AUTS2: variants seen among roughly 807,000 people sequenced by gnomAD.
AUTS2 encodes the protein autism susceptibility gene 2 protein.
In AUTS2, 17 loss-of-function variants were observed where a neutral mutation model predicts 112.4. That is an observed-to-expected ratio of 0.15 (90% confidence interval 0.10 to 0.23). The LOEUF (loss-of-function observed/expected upper bound fraction) is 0.23. Ranked by LOEUF, AUTS2 falls within the 10% of genes least tolerant of loss-of-function variation. The pLI is 1.00. For synonymous variants in AUTS2, 751 were observed against 702.7 expected, an observed-to-expected ratio of 1.07 and a Z score of -1.09; for missense variants, 1,510 against 1,701.6, an observed-to-expected ratio of 0.89 and a Z score of 1.98.
At chr7:69,776,418 A>AT (rs1268915498) in intron 1 of AUTS2, among the ~76,000 whole-genome samples, 1 of 151,932 alleles carries the variant, frequency 6.6e-6, no homozygotes, top group Non-Finnish European at 1.5e-5. Flanking sequence ...CCAAATGTAA[A>AT]TTTTTTTGTT....
chr7:69,951,295 C>G (rs1050431919), intron 2 of AUTS2, among the ~76,000 whole-genome samples: 10 of 146,988 alleles, frequency 6.8e-5, no homozygotes, highest in African/African-American at 2.3e-4. Flanking sequence ...AGTCTTCAGG[C>G]TTTTTTTTTT....
chr7:70,665,926 C>T (rs1807324608), intron 5 of AUTS2, among the ~76,000 whole-genome samples: 1 of 152,182 alleles, frequency 6.6e-6, no homozygotes. Flanking sequence ...AACAGTGCAA[C>T]ATTACCAGCT....
chr7:69,962,929 T>C (rs1262157928), intron 2 of AUTS2, among the ~76,000 whole-genome samples: 1 of 152,092 alleles, frequency 6.6e-6, no homozygotes, highest in Admixed American at 6.6e-5. Flanking sequence ...AAAGGGAAAG[T>C]CCTTGAGCAC....
chr7:70,060,272 A>C (rs1318827141), intron 2 of AUTS2, among the ~76,000 whole-genome samples: 1 of 152,226 alleles, frequency 6.6e-6, no homozygotes, highest in East Asian at 1.9e-4. Context: ...ATGCTAGATA[A>C]AGAGAAGAAC....
At chr7:70,757,440 T>C (rs1243649694) in intron 6 of AUTS2, among the ~76,000 whole-genome samples, 1 of 152,204 alleles carries the variant, frequency 6.6e-6, no homozygotes, top group Admixed American at 6.5e-5. Context: ...TGTTGTATAA[T>C]ATTTGCTGTT....
At chr7:70,352,391 C>CT (rs1178795313) in intron 4 of AUTS2, among the ~76,000 whole-genome samples, 1 of 152,164 alleles carries the variant, frequency 6.6e-6, no homozygotes, top group East Asian at 1.9e-4. Flanking sequence ...GGCTGCAATC[C>CT]TTTTTTTCCT....
chr7:70,696,291 G>A (rs1809095169), intron 5 of AUTS2, among the ~76,000 whole-genome samples: 1 of 152,108 alleles, frequency 6.6e-6, no homozygotes, highest in Admixed American at 6.5e-5. Flanking sequence ...ACCTGGATAG[G>A]AGAGAGAAGG....
intron 5 of AUTS2, among the ~76,000 whole-genome samples, chr7:70,560,340 T>C (rs998471735): frequency 2.6e-5 from 4 of 152,120 alleles, no homozygotes; most frequent in Non-Finnish European, 4.4e-5. Context: ...TTACTGCCTG[T>C]CTGCTCCATT....
intron 1 of AUTS2, among the ~76,000 whole-genome samples, chr7:69,733,105 G>A (rs1239948784): frequency 2.0e-5 from 3 of 152,132 alleles, no homozygotes; most frequent in Admixed American, 6.6e-5. Flanking sequence ...TTATGCTTTG[G>A]GGATATGGAT....
chr7:70,243,046 TCTCA>T (rs1408329765), intron 4 of AUTS2, among the ~76,000 whole-genome samples: 34 of 152,174 alleles, frequency 2.2e-4, no homozygotes, highest in Non-Finnish European at 1.5e-5. Flanking sequence ...GCACAGATGG[TCTCA>T]CTCAGGCCTA....
intron 4 of AUTS2, among the ~76,000 whole-genome samples, chr7:70,220,688 G>A (rs575938674): frequency 3.0e-4 from 46 of 152,264 alleles, no homozygotes; most frequent in African/African-American, 1.0e-3. Flanking sequence ...AAAAGGCTGT[G>A]GACCTTTGAA....
chr7:69,758,363 A>G (rs1011521407), intron 1 of AUTS2, among the ~76,000 whole-genome samples: 6 of 152,176 alleles, frequency 3.9e-5, no homozygotes, highest in African/African-American at 1.4e-4. Flanking sequence ...AGCATTTTGG[A>G]TCAGTCACTT....
intron 1 of AUTS2, among the ~76,000 whole-genome samples, chr7:69,767,184 CTT>C (rs1248627158): frequency 3.5e-5 from 5 of 144,804 alleles, no homozygotes; most frequent in Non-Finnish European, 4.6e-5. Flanking sequence ...TTGTCATCGT[CTT>C]TTTTTTTTTT....
chr7:69,660,461 C>G (rs1290132237), intron 1 of AUTS2, among the ~76,000 whole-genome samples: 4 of 152,108 alleles, frequency 2.6e-5, no homozygotes, highest in African/African-American at 9.7e-5. Context: ...AAGGGAAATT[C>G]TAGGAAGAGG....
At chr7:69,743,970 AT>A (rs35084019) in intron 1 of AUTS2, among the ~76,000 whole-genome samples, 15,113 of 146,214 alleles carry the variant, frequency 0.1, 1,196 homozygotes, top group African/African-American at 0.22. Flanking sequence ...GCTAATTAAC[AT>A]TTTTTTTTTT....
intron 5 of AUTS2, among the ~76,000 whole-genome samples, chr7:70,548,567 A>G (rs995889855): frequency 9.9e-5 from 15 of 152,182 alleles, no homozygotes; most frequent in African/African-American, 3.4e-4. Context: ...TGGCTGAGGT[A>G]CTTTTTTGTG....
At position 70,219,226 on chromosome 7, in the gene AUTS2, C is replaced by T. The variant is rs145306071; in HGVS notation, c.660+84655C>T. On this transcript the variant is annotated intron_variant, in intron 4 of 18. Transcript: ENST00000342771. ...AACATCTCTCTCATTGCTAGTGATA[C>T]ATTTTTATTTAAGACACAATGAGCA... is the stretch of plus-strand genomic sequence containing the variant. 4.9e-3 allele frequency among the ~76,000 whole-genome samples: 751 copies of T among 152,298 alleles called. 12 individuals are homozygous for T. The highest frequency in any genetic ancestry group is 0.017 in the African/African-American group (705 of 41,564).
intron 4 of AUTS2, among the ~76,000 whole-genome samples, chr7:70,398,584 T>C (rs1344325003): frequency 6.6e-6 from 1 of 152,200 alleles, no homozygotes; most frequent in Non-Finnish European, 1.5e-5. Flanking sequence ...TATTAAATTA[T>C]GATAAATGCA....
At chr7:70,395,319 G>A (rs902355126) in intron 4 of AUTS2, among the ~76,000 whole-genome samples, 1 of 152,100 alleles carries the variant, frequency 6.6e-6, no homozygotes, top group African/African-American at 2.4e-5. Context: ...TGAGAGGATC[G>A]CCTCTCACCA....
Sources: gnomAD v4.1 joint callset for allele counts (sites outside exome capture counted in the v4.1 genomes callset) on GRCh38, gnomAD v4.1.1 for gene constraint, MANE v1.5 for transcripts, NCBI Gene and HGNC (gene_info 2026-07-23, HGNC 2026-07-21) for gene names.